The following SERINC5 variants were observed in gnomAD, a reference collection of about 807,000 sequenced individuals.
SERINC5 encodes the protein chromosome 5 open reading frame 12.
SERINC5 carries 41 observed loss-of-function variants against 63.1 expected under a neutral mutation model. The ratio of observed to expected loss-of-function variants is 0.65; its 90% CI spans 0.51 to 0.84. SERINC5 has a LOEUF of 0.84. Among genes scored for constraint, SERINC5 ranks in the 40% least tolerant of loss-of-function variants. SERINC5 has a pLI of 0.00. For synonymous variants in SERINC5, 222 were observed against 215.2 expected (o/e 1.03, Z -0.28); for missense variants, 523 against 573.0 (o/e 0.91, Z 0.89).
intron 1 of SERINC5, among the ~76,000 whole-genome samples, chr5:80,226,261 G>A (rs899995654): frequency 6.6e-6 from 1 of 152,162 alleles, no homozygotes; most frequent in African/African-American, 2.4e-5. Context: ...GTTTTGCCAT[G>A]TTACAGGCAT....
In SERINC5 at chr5:80,177,941, G is replaced by A; in HGVS notation, c.319C>T (p.Leu107=). 1.2e-6 allele frequency: 2 copies of A among 1,612,016 alleles called. No individual in the cohort carries two copies. The highest frequency in any genetic ancestry group is 1.3e-5 in the African/African-American group (1 of 75,006). The change falls in exon 3 of 12, where the codon CTA becomes TTA. Residue 107 remains leucine, a synonymous_variant. Coordinates refer to ENST00000507668, the MANE Select transcript of SERINC5 (RefSeq NM_001174072.3). ...CTGTTGTTGATTTTCAAGGTCAGTA[G>A]ACAGAAGATAAAGAAGAAACAAGCC... ...GMACFFFIFC[L]LTLKINNSKS... is the part of the protein sequence containing the mutation.
chr5:80,236,444 AAT>A (rs1751693746), intron 1 of SERINC5, among the ~76,000 whole-genome samples: 1 of 152,118 alleles, frequency 6.6e-6, no homozygotes, highest in Non-Finnish European at 1.5e-5. Context: ...CCACACCAAA[AAT>A]ATGTTTAAAT....
intron 1 of SERINC5, among the ~76,000 whole-genome samples, chr5:80,234,516 C>T (rs1751599254): frequency 6.6e-6 from 1 of 152,146 alleles, no homozygotes; most frequent in Non-Finnish European, 1.5e-5. Flanking sequence ...CACACTACCA[C>T]CACTCCCACC....
chr5:80,255,220 A>T (rs998693954), intron 1 of SERINC5: 4 of 152,482 alleles, frequency 2.6e-5, no homozygotes, highest in African/African-American at 9.6e-5. Flanking sequence ...GGCGAGAGTT[A>T]AAAAACAGGT....
chr5:80,220,181 C>T (rs2112536194), intron 1 of SERINC5, among the ~76,000 whole-genome samples: 1 of 151,856 alleles, frequency 6.6e-6, no homozygotes, highest in South Asian at 2.1e-4. Context: ...ATACTCCAGC[C>T]TGGGCGACAG....
chr5:80,123,439 T>C (rs992318641), intron 11 of SERINC5, among the ~76,000 whole-genome samples: 8 of 152,178 alleles, frequency 5.3e-5, no homozygotes, highest in Non-Finnish European at 7.3e-5. Flanking sequence ...TTATTTTTTA[T>C]TAATAAAAAG....
chr5:80,251,294 A>ACATACATACATACATACATG (rs1752405265), intron 1 of SERINC5, among the ~76,000 whole-genome samples: 1 of 50,044 alleles, frequency 2.0e-5, no homozygotes, highest in African/African-American at 6.6e-5. Flanking sequence ...ATACATGCAT[A>ACATACATACATACATACATG]CATACATACA....
At position 80,142,922 on chromosome 5, in the gene SERINC5, G is replaced by C. The variant is rs1045809423; in HGVS notation, c.*741C>G. 2.1e-5 allele frequency: 21 copies of C among 985,240 alleles called. No individual in the cohort carries two copies. The East Asian group carries it at 1.2e-3, about 58-fold the overall frequency. 61.0% of individuals were successfully genotyped at this position (985,240 alleles called of 1,614,324 possible). On this transcript the variant is annotated 3_prime_UTR_variant, in exon 12 of 12. Coordinates refer to ENST00000507668, the MANE Select transcript of SERINC5 (RefSeq NM_001174072.3). ...AGCGCCGTACTTATTGCAGTAACTCGGATCAGGTAGTGATAATAAGGTGGG... is the reference window on the plus strand; with the variant it reads ...AGCGCCGTACTTATTGCAGTAACTCCGATCAGGTAGTGATAATAAGGTGGG...
At chr5:80,222,561 A>AGTGTGAGTGT (rs1554070043) in intron 1 of SERINC5, among the ~76,000 whole-genome samples, 1 of 146,216 alleles carries the variant, frequency 6.8e-6, no homozygotes, top group African/African-American at 2.6e-5. Context: ...TGAGTGTGTG[A>AGTGTGAGTGT]GTGTGTGAGT....
At chr5:80,136,156 A>G (rs921913316), downstream of SERINC5, among the ~76,000 whole-genome samples, 1 of 152,096 alleles carries the variant, frequency 6.6e-6, no homozygotes, top group Non-Finnish European at 1.5e-5. Flanking sequence ...TGAGAGCAGG[A>G]GTTGTAGGCC....
At chr5:80,248,769 C>A (rs561042813) in intron 1 of SERINC5, among the ~76,000 whole-genome samples, 2 of 152,164 alleles carry the variant, frequency 1.3e-5, no homozygotes, top group Non-Finnish European at 2.9e-5. Flanking sequence ...CACCATCATA[C>A]AGCAGGAAAA....
At chr5:80,253,468 T>C (rs1752516615) in intron 1 of SERINC5, among the ~76,000 whole-genome samples, 1 of 152,148 alleles carries the variant, frequency 6.6e-6, no homozygotes, top group Admixed American at 6.5e-5. Flanking sequence ...ATCCCAATTA[T>C]CTTCTAAGTG....
intron 1 of SERINC5, among the ~76,000 whole-genome samples, chr5:80,253,885 C>G (rs1752532299): frequency 6.6e-6 from 1 of 152,208 alleles, no homozygotes; most frequent in African/African-American, 2.4e-5. Context: ...CAGAAACAAA[C>G]AAGAATTGGT....
rs1030784521 is a variant in SERINC5, at chr5:80,256,039, G to C, written c.-117C>G. ...GCAGCTCACACTTGAACGAAGATCAGCCTCGGCGAAGCGCCTAGGCGCCGA... is the reference window on the plus strand; with the variant it reads ...GCAGCTCACACTTGAACGAAGATCACCCTCGGCGAAGCGCCTAGGCGCCGA... On this transcript the variant is annotated 5_prime_UTR_variant, in exon 1 of 12. Transcript: ENST00000507668. The C allele has an allele frequency of 1.6e-4, 179 of 1,138,286 alleles. No homozygotes were observed. Among genetic ancestry groups the C allele is most frequent in the Admixed American group, 1.5e-4 (4 of 26,474 alleles). The allele number at this position is 1,138,286 out of a possible 1,614,324, so 70.5% of individuals were successfully genotyped here.
chr5:80,226,605 T>C (rs1449162580), intron 1 of SERINC5, among the ~76,000 whole-genome samples: 1 of 152,212 alleles, frequency 6.6e-6, no homozygotes, highest in African/African-American at 2.4e-5. Context: ...GGGCTAGTCC[T>C]GACCTTGAGA....
rs1450611197 is a variant in SERINC5 at position 80,237,039 on chromosome 5, C to G, written c.27+18857G>C. Among the ~76,000 whole-genome samples the G allele has an allele frequency of 2.7e-5, 4 of 148,254 alleles. No homozygotes were observed. The East Asian group carries it at 8.2e-4, about 30-fold the overall frequency. ...CGGGGTTTCACCACGTTGGCCAGGC[C>G]GGTCTTTGAATTTCTGACCTCAGGT... On this transcript the variant is annotated intron_variant, in intron 1 of 11. Coordinates refer to ENST00000507668, the MANE Select transcript of SERINC5 (RefSeq NM_001174072.3).
chr5:80,227,428 A>T (rs1264951744), intron 1 of SERINC5, among the ~76,000 whole-genome samples: 1 of 152,084 alleles, frequency 6.6e-6, no homozygotes, highest in Non-Finnish European at 1.5e-5. Context: ...TCTCTAGAGC[A>T]GAGCTGTCTC....
chr5:80,126,386 T>TG, intron 11 of SERINC5, among the ~76,000 whole-genome samples: 1 of 152,222 alleles, frequency 6.6e-6, no homozygotes, highest in Non-Finnish European at 1.5e-5. Context: ...CCTGGTGGTA[T>TG]AAGTCAGAAT....
In SERINC5 at chr5:80,116,268, C is replaced by A. The variant is rs760897290; in HGVS notation, c.1239-2643G>T. 54 of 455,318 alleles carry A rather than the reference C, an allele frequency of 1.2e-4. 1 individual carries two copies. The highest frequency in any genetic ancestry group is 6.5e-4 in the South Asian group (42 of 64,410). The allele number at this position is 455,318 out of a possible 1,614,324, so 28.2% of individuals were successfully genotyped here. A position where few individuals can be genotyped will look rare whatever the true frequency, so the allele number is the denominator to read the frequency against. On this transcript the variant is annotated intron_variant, in intron 11 of 12. Coordinates refer to the SERINC5 transcript ENST00000509193. ...AGTTGGGGCCAGAGATGTTTCCATC[C>A]CCTCTTGCAAAAAGGGTATTCTTAA...
Sources: allele counts gnomAD v4.1 joint callset (sites outside exome capture counted in the v4.1 genomes callset), GRCh38; gene constraint gnomAD v4.1.1; transcripts MANE v1.5; gene names NCBI Gene and HGNC (gene_info 2026-07-23, HGNC 2026-07-21).